TUBGCP4: variants seen among roughly 807,000 people sequenced by gnomAD.
TUBGCP4 encodes the protein gamma-tubulin complex component 4.
TUBGCP4 carries 54 observed loss-of-function variants against 91.6 expected under a neutral mutation model. The observed-to-expected ratio is 0.59, with a 90% CI of 0.47 to 0.74. TUBGCP4 has a LOEUF of 0.74. TUBGCP4 is among the 30% of genes least tolerant of loss of function. The pLI, the probability that TUBGCP4 is intolerant of heterozygous loss-of-function variation, is 0.00. For missense variants in TUBGCP4, 593 were observed against 800.9 expected, an observed-to-expected ratio of 0.74 and a Z score of 3.13; for synonymous variants, 297 against 302.8, an observed-to-expected ratio of 0.98 and a Z score of 0.20.
At chr15:43,377,636 G>GA (rs2044227833) in intron 4 of TUBGCP4, 32 of 413,738 alleles carry the variant, frequency 7.7e-5, no homozygotes, top group Middle Eastern at 6.5e-4. Context: ...AAAGAAAAAA[G>GA]AAAAAAAAGA....
chr15:43,376,149 C>T lies in TUBGCP4; in HGVS notation c.130C>T (p.Arg44Ter), dbSNP rs1168765656. The T allele has an allele frequency of 1.9e-6, 3 of 1,614,090 alleles. No individual in the cohort carries two copies. Among genetic ancestry groups the T allele is most frequent in the Non-Finnish European group, 1.7e-6 (2 of 1,180,010 alleles). The stretch of plus-strand genomic sequence containing the variant: ...CCCCAGTGAGACCAGTGTCCTGAAT[C>T]GACTCTGCCGGCTCGGCACAGACTA... ...LHPSETSVLN[R>*]LCRLGTDYIR... The change falls in exon 2 of 18, where the codon CGA (arginine) becomes TGA (stop). Residue 44 changes from arginine (R) to a stop codon, truncating the protein, a stop_gained. Transcript: ENST00000564079. LOFTEE classifies it high-confidence loss of function.
chr15:43,386,377 A>ATATATATATATATATTTTTT (rs1555394852), intron 9 of TUBGCP4, 47 bp downstream of exon 9: 1 of 19,102 alleles, frequency 5.2e-5, no homozygotes, highest in Non-Finnish European at 8.0e-5. Context: ...ATATATATAT[A>ATATATATATATATATTTTTT]TTTTTTTTTT....
chr15:43,409,562 C>A lies in TUBGCP4; in HGVS notation c.*4348C>A. 1.5e-6 allele frequency: 1 copy of A among 686,216 alleles called. No individual in the cohort carries two copies. The allele number at this position is 686,216 out of a possible 1,614,324, so 42.5% of individuals were successfully genotyped here. ...TCTCTGGCTACTTTATCCAGGTTCC[C>A]CAACCCCTCCCAGGCCTCTTCTCAA... On this transcript the variant is annotated 3_prime_UTR_variant, in exon 18 of 18. Transcript: ENST00000564079.
intron 9 of TUBGCP4, among the ~76,000 whole-genome samples, chr15:43,388,677 T>G (rs1053510245): frequency 6.6e-6 from 1 of 152,204 alleles, no homozygotes; most frequent in African/African-American, 2.4e-5. Flanking sequence ...AAAAATTGTT[T>G]TTTCTTGTGA....
Position 43,406,600 on chromosome 15 carries a change from GA to G in TUBGCP4, c.*1393del. 1 of 455,940 alleles carries G rather than the reference GA, an allele frequency of 2.2e-6. No individual in the cohort carries two copies. Among genetic ancestry groups the G allele is most frequent in the Non-Finnish European group, 4.4e-6 (1 of 226,770 alleles). 28.2% of individuals were successfully genotyped at this position (455,940 alleles called of 1,614,324 possible). ...AATATTTACTCTTTGACCCTTTACA[GA>G]AAAAAACCTTGTTGACCCCTGCTTT... On this transcript the variant is annotated 3_prime_UTR_variant, in exon 18 of 18. Transcript: ENST00000564079.
Position 43,408,975 on chromosome 15 carries a change from T to C in TUBGCP4, c.*3761T>C, listed in dbSNP as rs1302776154. Reference sequence around the variant, plus strand: ...ACGGTAGTTCTGGAGCTGGTTGGCATGGCAACTATCATGGACCCAGACATG... The same window carrying C: ...ACGGTAGTTCTGGAGCTGGTTGGCACGGCAACTATCATGGACCCAGACATG... On this transcript the variant is annotated 3_prime_UTR_variant, in exon 18 of 18. Coordinates refer to ENST00000564079, the MANE Select transcript of TUBGCP4 (RefSeq NM_014444.5). 6 of 1,614,216 alleles carry C rather than the reference T, an allele frequency of 3.7e-6. No individual in the cohort carries two copies. The highest frequency in any genetic ancestry group is 4.2e-6 in the Non-Finnish European group (5 of 1,180,048).
At chr15:43,404,243 T>C in intron 16 of TUBGCP4, 170 bp from the exon 17 acceptor site, 1 of 692,574 alleles carries the variant, frequency 1.4e-6, no homozygotes, top group East Asian at 2.7e-5. Context: ...ATGTATGGAT[T>C]TGGTACAAGT....
rs2142925405 is a variant in TUBGCP4 at position 43,407,596 on chromosome 15, A to G, written c.*2382A>G. ...CTGCAAGGAGCAAGGGAAAGTGAAGAAGGAAAGGACACTCAACTTAGCCCT... is the reference window on the plus strand; with the variant it reads ...CTGCAAGGAGCAAGGGAAAGTGAAGGAGGAAAGGACACTCAACTTAGCCCT... On this transcript the variant is annotated 3_prime_UTR_variant, in exon 18 of 18. Coordinates refer to ENST00000564079, the MANE Select transcript of TUBGCP4 (RefSeq NM_014444.5). 6.3e-7 allele frequency: 1 copy of G among 1,596,288 alleles called. No homozygotes were observed. Among genetic ancestry groups the G allele is most frequent in the Non-Finnish European group, 8.6e-7 (1 of 1,168,356 alleles).
At position 43,408,692 on chromosome 15, in the gene TUBGCP4, C is replaced by T. The variant is rs2045010106; in HGVS notation, c.*3478C>T. 2 of 574,930 alleles carry T rather than the reference C, an allele frequency of 3.5e-6. No individual in the cohort carries two copies. Among genetic ancestry groups the T allele is most frequent in the Non-Finnish European group, 6.2e-6 (2 of 322,882 alleles). 35.6% of individuals were successfully genotyped at this position (574,930 alleles called of 1,614,324 possible). On this transcript the variant is annotated 3_prime_UTR_variant, in exon 18 of 18. Coordinates refer to ENST00000564079, the MANE Select transcript of TUBGCP4 (RefSeq NM_014444.5). ...GAGAATATTGAACCTATATACAAAT[C>T]TTCACACATTTGCAAAAGGTTCCTA... is the stretch of plus-strand genomic sequence containing the variant.
chr15:43,380,974 T>C (rs2142788525), intron 6 of TUBGCP4, among the ~76,000 whole-genome samples: 1 of 152,342 alleles, frequency 6.6e-6, no homozygotes, highest in East Asian at 1.9e-4. Flanking sequence ...TTTCTTATTT[T>C]ATTTTAATTT....
chr15:43,374,198 T>C lies in TUBGCP4; in HGVS notation c.79-1900T>C, dbSNP rs2044168374. 2.0e-5 allele frequency among the ~76,000 whole-genome samples: 3 copies of C among 152,208 alleles called. No individual in the cohort carries two copies. The South Asian group carries it at 6.2e-4, about 31-fold the overall frequency. ...ATGCTAAGTTCCTTTGGAGCAGTAATTGTATCTGATTTTGTTCACTCTTTT... is the reference window on the plus strand; with the variant it reads ...ATGCTAAGTTCCTTTGGAGCAGTAACTGTATCTGATTTTGTTCACTCTTTT... On this transcript the variant is annotated intron_variant, in intron 1 of 17. Coordinates refer to ENST00000564079, the MANE Select transcript of TUBGCP4 (RefSeq NM_014444.5).
At position 43,380,068 on chromosome 15, in the gene TUBGCP4, G is replaced by GCCGT. The variant is rs2044265254; in HGVS notation, c.442-15_442-12dup. 9 of 1,613,384 alleles carry GCCGT rather than the reference G, an allele frequency of 5.6e-6. No homozygotes were observed. The highest frequency in any genetic ancestry group is 7.6e-6 in the Non-Finnish European group (9 of 1,179,434). ...TTAGAATGGAATCCAGTTTGACAAG[G>GCCGT]CCGTATTTTCCACAGATTCATGGTT... On this transcript the variant is annotated splice_polypyrimidine_tract_variant and intron_variant, in intron 5 of 17. Transcript: ENST00000564079.
chr15:43,380,534 T>G (rs1486443050), intron 6 of TUBGCP4, among the ~76,000 whole-genome samples: 1 of 152,238 alleles, frequency 6.6e-6, no homozygotes, highest in Non-Finnish European at 1.5e-5. Flanking sequence ...CTTAAAAATG[T>G]TTATGCTTTA....
chr15:43,403,180 A>G (rs1443438747), intron 15 of TUBGCP4: 5 of 151,508 alleles, frequency 3.3e-5, no homozygotes, highest in African/African-American at 4.8e-5. Context: ...AACAAGACAT[A>G]TATATATATA....
Position 43,405,467 on chromosome 15 carries a change from T to C in TUBGCP4, c.*253T>C. On this transcript the variant is annotated 3_prime_UTR_variant, in exon 18 of 18. Coordinates refer to ENST00000564079, the MANE Select transcript of TUBGCP4 (RefSeq NM_014444.5). ...CTTTACATTGAGAACATTTGTTGGA[T>C]ATGTTCATTTATTCAATAGTCATTT... 5 of 560,792 alleles carry C rather than the reference T, an allele frequency of 8.9e-6. No individual in the cohort carries two copies. Among genetic ancestry groups the C allele is most frequent in the Admixed American group, 3.2e-5 (1 of 31,122 alleles). 34.7% of individuals were successfully genotyped at this position (560,792 alleles called of 1,614,324 possible). A position where few individuals can be genotyped will look rare whatever the true frequency, so the allele number is the denominator to read the frequency against.
intron 1 of TUBGCP4, among the ~76,000 whole-genome samples, chr15:43,375,890 T>C (rs539576981): frequency 2.2e-4 from 34 of 152,354 alleles, no homozygotes; most frequent in Admixed American, 3.9e-4. Context: ...ATTTAGCATG[T>C]GTTACCTATT....
chr15:43,393,488 C>T (rs1180755446), intron 9 of TUBGCP4, among the ~76,000 whole-genome samples: 1 of 151,690 alleles, frequency 6.6e-6, no homozygotes, highest in East Asian at 1.9e-4. Flanking sequence ...GGTACATGTG[C>T]ACAATGTGCA....
chr15:43,397,943 A>G (rs374500410), intron 12 of TUBGCP4, 98 bp from the exon 13 acceptor site: 3 of 1,264,754 alleles, frequency 2.4e-6, no homozygotes, highest in East Asian at 2.4e-5. Flanking sequence ...AACTCCTGTG[A>G]GCTCTAGTTT....
In TUBGCP4 at chr15:43,401,617, G is replaced by A. The variant is rs1472384401; in HGVS notation, c.1597-99G>A. ...TGTGACTTGGTTAGAAGGAAGATGA[G>A]TGGAGGCAAAGCATTTTCATTTCAA... On this transcript the variant is annotated intron_variant, in intron 14 of 17. Coordinates refer to ENST00000564079, the MANE Select transcript of TUBGCP4 (RefSeq NM_014444.5). 4 of 1,293,020 alleles carry A rather than the reference G, an allele frequency of 3.1e-6. No individual in the cohort carries two copies. The East Asian group carries it at 6.9e-5, about 22-fold the overall frequency. 80.1% of individuals were successfully genotyped at this position (1,293,020 alleles called of 1,614,324 possible).
Sources: allele counts gnomAD v4.1 joint callset (sites outside exome capture counted in the v4.1 genomes callset), GRCh38; gene constraint gnomAD v4.1.1; transcripts MANE v1.5; gene names NCBI Gene and HGNC (gene_info 2026-07-23, HGNC 2026-07-21).